Variants in GRAMD4 observed in about 807,000 individuals in gnomAD.
The protein encoded by GRAMD4 is GRAM domain containing 4, also known as GRAM domain-containing protein 4.
In GRAMD4, 25 loss-of-function variants were observed where a neutral mutation model predicts 83.9. That is an observed-to-expected ratio of 0.30 (90% CI 0.22 to 0.42). GRAMD4 has a LOEUF of 0.42. Ranked by LOEUF, GRAMD4 falls within the 10% of genes least tolerant of loss-of-function variation. The pLI, the probability that GRAMD4 is intolerant of heterozygous loss-of-function variation, is 1.00. For missense variants in GRAMD4, 593 were observed against 788.7 expected (o/e 0.75, Z 2.97); for synonymous variants, 336 against 320.9 (o/e 1.05, Z -0.50).
chr22:46,586,397 G>T (rs922806890), intron 1 of GRAMD4, among the ~76,000 whole-genome samples: 1 of 152,100 alleles, frequency 6.6e-6, no homozygotes, highest in East Asian at 2.0e-4. Context: ...GCCGGGTGAT[G>T]CTGGCTCGGA....
intron 3 of GRAMD4, among the ~76,000 whole-genome samples, chr22:46,643,875 T>C (rs925335435): frequency 2.6e-5 from 4 of 152,204 alleles, no homozygotes; most frequent in African/African-American, 9.7e-5. Context: ...TTAAGTTAAA[T>C]TTATTCATAC....
At position 46,626,730 on chromosome 22, in the gene GRAMD4, G is replaced by T; in HGVS notation, c.-49-21G>T. On this transcript the variant is annotated intron_variant, in intron 1 of 18. Transcript: ENST00000406902. ...GCTTGGAGGTGGCGAGCGGGAGAGT[G>T]ACCACGCCCCTCTCTTGCAGGGAAC... The T allele has an allele frequency of 2.0e-6, 3 of 1,531,288 alleles. No individual in the cohort carries two copies. The South Asian group carries it at 3.5e-5, about 18-fold the overall frequency. 94.9% of individuals were successfully genotyped at this position (1,531,288 alleles called of 1,614,324 possible).
Position 46,673,658 on chromosome 22 carries a change from T to C in GRAMD4, c.1240-12T>C. 6.2e-7 allele frequency: 1 copy of C among 1,608,656 alleles called. No individual in the cohort carries two copies. Among genetic ancestry groups the C allele is most frequent in the Non-Finnish European group, 8.5e-7 (1 of 1,176,568 alleles). On this transcript the variant is annotated splice_polypyrimidine_tract_variant and intron_variant, in intron 14 of 18. Coordinates refer to ENST00000406902, the MANE Select transcript of GRAMD4 (RefSeq NM_015124.5). ...CAGCGGGCCTGACCTCGACGCTGTT[T>C]GCCGTTGGCAGCTGCAGACGACCTC...
intron 13 of GRAMD4, among the ~76,000 whole-genome samples, chr22:46,671,705 G>A (rs1001218781): frequency 1.3e-5 from 2 of 151,306 alleles, no homozygotes; most frequent in African/African-American, 4.9e-5. Flanking sequence ...AAATTTAGCC[G>A]GGTGTGGTGG....
intron 3 of GRAMD4, among the ~76,000 whole-genome samples, chr22:46,652,049 C>T (rs958877383): frequency 6.6e-6 from 1 of 152,120 alleles, no homozygotes; most frequent in Admixed American, 6.5e-5. Context: ...ACGATTGTCT[C>T]GAGGGAGAGT....
chr22:46,626,984 C>G, intron 2 of GRAMD4, 23 bp downstream of exon 2: 7 of 1,568,422 alleles, frequency 4.5e-6, no homozygotes, highest in Non-Finnish European at 6.1e-6. Flanking sequence ...CCTCGTCCCC[C>G]GGTGTGGGCT....
intron 3 of GRAMD4, among the ~76,000 whole-genome samples, chr22:46,653,129 ACTGGGCAAAGGTGGGAAGC>A (rs1325381046): frequency 6.6e-6 from 1 of 152,216 alleles, no homozygotes; most frequent in African/African-American, 2.4e-5. Flanking sequence ...CAGGAACGAC[ACTGGGCAAAGGTGGGAAGC>A]CTCATGGCTC....
chr22:46,643,174 T>C (rs2082010301), intron 3 of GRAMD4, among the ~76,000 whole-genome samples: 1 of 147,850 alleles, frequency 6.8e-6, no homozygotes, highest in Non-Finnish European at 1.5e-5. Context: ...CATCCATCCA[T>C]CCATCCATCC....
chr22:46,675,096 C>T (rs2082574513), intron 16 of GRAMD4, among the ~76,000 whole-genome samples: 1 of 152,208 alleles, frequency 6.6e-6, no homozygotes, highest in African/African-American at 2.4e-5. Flanking sequence ...CTGAGTGCCT[C>T]ATGCAGAGCA....
Position 46,661,687 on chromosome 22 carries a change from G to A in GRAMD4, c.466+245G>A, listed in dbSNP as rs539922636. On this transcript the variant is annotated intron_variant, in intron 5 of 18. Transcript: ENST00000406902. ...TCATAGTCGTCATCACAAATTTCCAGTCACTCAACTAAAGCGTGATTGTGT... is the reference window on the plus strand; with the variant it reads ...TCATAGTCGTCATCACAAATTTCCAATCACTCAACTAAAGCGTGATTGTGT... Among the ~76,000 whole-genome samples the A allele has an allele frequency of 1.1e-4, 16 of 152,252 alleles. 1 individual carries two copies. Among genetic ancestry groups the A allele is most frequent in the Non-Finnish European group, 2.1e-4 (14 of 68,042 alleles).
At chr22:46,618,956 C>T (rs780732525), upstream of GRAMD4, among the ~76,000 whole-genome samples, 2 of 152,182 alleles carry the variant, frequency 1.3e-5, no homozygotes, top group African/African-American at 4.8e-5. The surrounding 1 kb of genome is among the most constrained non-coding windows in gnomAD (Gnocchi z 5.8). Flanking sequence ...GTGAGCTGTC[C>T]GGCTTGGAGC....
At chr22:46,649,075 T>C (rs2082128408) in intron 3 of GRAMD4, among the ~76,000 whole-genome samples, 1 of 152,224 alleles carries the variant, frequency 6.6e-6, no homozygotes, top group African/African-American at 2.4e-5. Context: ...CTTCCAGAGC[T>C]CCAGATGCAC....
rs150903025 is a variant in GRAMD4 at position 46,663,332 on chromosome 22, C to T, written c.599+160C>T. Among the ~76,000 whole-genome samples, 406 of 152,312 alleles carry T rather than the reference C, an allele frequency of 2.7e-3. 2 individuals are homozygous for T. Among genetic ancestry groups the T allele is most frequent in the South Asian group, 0.012 (58 of 4,830 alleles). On this transcript the variant is annotated intron_variant, in intron 6 of 18. Coordinates refer to ENST00000406902, the MANE Select transcript of GRAMD4 (RefSeq NM_015124.5). ...CCGCTGTGTCTGGTCTTCTGGGGGC[C>T]GTGCCTGGCAGGGGCTTGCGAGGCC...
chr22:46,647,623 A>G (rs1436844385), intron 3 of GRAMD4, among the ~76,000 whole-genome samples: 3 of 152,232 alleles, frequency 2.0e-5, no homozygotes, highest in Non-Finnish European at 4.4e-5. Flanking sequence ...GTCGTCTGAC[A>G]GGTGTTTTGG....
chr22:46,594,258 C>G (rs1329051228), intron 1 of GRAMD4, among the ~76,000 whole-genome samples: 1 of 151,860 alleles, frequency 6.6e-6, no homozygotes, highest in South Asian at 2.1e-4. Flanking sequence ...CCTGGGTCCA[C>G]ACTGTCACCT....
chr22:46,672,243 G>A lies in GRAMD4; in HGVS notation c.1085-600G>A, dbSNP rs9616090. ...TGAGGTCGTGTTTAGTAGGGGGACT[G>A]ACCATGATTGTGTCAGGTGACAGTA... is the stretch of plus-strand genomic sequence containing the variant. On this transcript the variant is annotated intron_variant, in intron 13 of 18. Transcript: ENST00000406902. This position sits in a 1 kb window ranked among gnomAD's most constrained non-coding sequence, Gnocchi z 4.7. Among the ~76,000 whole-genome samples, 16,945 of 152,242 alleles carry A rather than the reference G, an allele frequency of 0.11. 1,078 individuals are homozygous for A. The highest frequency in any genetic ancestry group is 0.17 in the Middle Eastern group (50 of 294).
At chr22:46,600,585 G>A (rs908420878) in intron 1 of GRAMD4, among the ~76,000 whole-genome samples, 2 of 152,190 alleles carry the variant, frequency 1.3e-5, no homozygotes, top group Admixed American at 6.5e-5. Context: ...AGCACAGACA[G>A]TGCACAGGCA....
upstream of GRAMD4, chr22:46,620,196 T>C (rs934823734): frequency 4.4e-6 from 2 of 450,050 alleles, no homozygotes; most frequent in Non-Finnish European, 5.9e-6. The surrounding 1 kb of genome is among the most constrained non-coding windows in gnomAD (Gnocchi z 4.7). Flanking sequence ...CCCTAGACAC[T>C]GTTGCCTTTG....
Position 46,673,097 on chromosome 22 carries a change from G to C in GRAMD4, c.1239+100G>C. 4.1e-6 allele frequency: 4 copies of C among 976,714 alleles called. No homozygotes were observed. The South Asian group carries it at 6.8e-5, about 17-fold the overall frequency. 60.5% of individuals were successfully genotyped at this position (976,714 alleles called of 1,614,324 possible). A position where few individuals can be genotyped will look rare whatever the true frequency, so the allele number is the denominator to read the frequency against. On this transcript the variant is annotated intron_variant, in intron 14 of 18. Transcript: ENST00000406902. ...TCTGTTCACCTCCGGCTCATTTAGAGGCTGTTTCTTCAATTTTATAGACTC... is the reference window on the plus strand; with the variant it reads ...TCTGTTCACCTCCGGCTCATTTAGACGCTGTTTCTTCAATTTTATAGACTC...
Sources: allele counts gnomAD v4.1 joint callset (sites outside exome capture counted in the v4.1 genomes callset), GRCh38; gene constraint gnomAD v4.1.1; non-coding constraint Gnocchi (gnomAD v3.1); transcripts MANE v1.5; gene names NCBI Gene and HGNC (gene_info 2026-07-23, HGNC 2026-07-21).